The following SMC1B variants were observed in gnomAD, a reference collection of about 807,000 sequenced individuals.
The protein encoded by SMC1B is structural maintenance of chromosomes 1B.
SMC1B carries 60 observed loss-of-function variants against 157.9 expected under a neutral mutation model. The ratio of observed to expected loss-of-function variants is 0.38; its 90% CI spans 0.31 to 0.47. SMC1B has a LOEUF of 0.47. Among genes scored for constraint, SMC1B ranks in the 20% least tolerant of loss-of-function variants. The pLI, the probability that SMC1B is intolerant of heterozygous loss-of-function variation, is 0.99. For missense variants in SMC1B, 1,165 were observed against 1,426.2 expected (o/e 0.82, Z 2.95); for synonymous variants, 445 against 483.0 (o/e 0.92, Z 1.03).
chr22:45,410,794 T>C (rs182514385), intron 1 of SMC1B, among the ~76,000 whole-genome samples: 85 of 152,316 alleles, frequency 5.6e-4, no homozygotes, highest in Non-Finnish European at 5.9e-4. Context: ...ACCGGAAATA[T>C]GGCTTAGTTT....
intron 17 of SMC1B, among the ~76,000 whole-genome samples, chr22:45,361,553 G>A (rs950381352): frequency 1.3e-5 from 2 of 152,130 alleles, no homozygotes; most frequent in African/African-American, 2.4e-5. Context: ...ATTTGAACCC[G>A]GGAAGCAAAG....
intron 5 of SMC1B, among the ~76,000 whole-genome samples, chr22:45,401,170 A>G (rs146338954): frequency 4.6e-5 from 7 of 152,350 alleles, no homozygotes; most frequent in African/African-American, 1.7e-4. Flanking sequence ...GTAAGATATT[A>G]ATAATAGGAG....
intron 12 of SMC1B, among the ~76,000 whole-genome samples, chr22:45,376,976 G>A (rs2086889542): frequency 6.6e-6 from 1 of 152,110 alleles, no homozygotes; most frequent in South Asian, 2.1e-4. Flanking sequence ...AGTTGTTTTT[G>A]TTTTTCACAA....
intron 5 of SMC1B, among the ~76,000 whole-genome samples, chr22:45,401,224 TAA>T (rs1278071523): frequency 6.6e-6 from 1 of 152,216 alleles, no homozygotes. Flanking sequence ...GGGCTAAAAA[TAA>T]ATTATTTAGG....
intron 16 of SMC1B, among the ~76,000 whole-genome samples, chr22:45,362,384 C>T (rs904142350): frequency 1.3e-5 from 2 of 152,152 alleles, no homozygotes; most frequent in Non-Finnish European, 2.9e-5. Context: ...TCTTTTGACT[C>T]TCCTCATAAG....
chr22:45,373,891 A>G lies in SMC1B; in HGVS notation c.2059-1599T>C, dbSNP rs534693243. 3.3e-5 allele frequency among the ~76,000 whole-genome samples: 5 copies of G among 152,194 alleles called. No homozygotes were observed. In the South Asian group the frequency reaches 1.0e-3, roughly 31 times the overall value. ...ATAATTTGGAATCTAAAGTTACATT[A>G]AATAATAGATATTTCATTATTTGGG... On this transcript the variant is annotated intron_variant, in intron 12 of 24. Transcript: ENST00000357450.
chr22:45,389,005 G>A (rs369335340), intron 10 of SMC1B, among the ~76,000 whole-genome samples: 261 of 95,124 alleles, frequency 2.7e-3, no homozygotes, highest in Middle Eastern at 0.016. Flanking sequence ...AAAAAAAAAA[G>A]AAAAAGAAAA....
chr22:45,357,214 G>C (rs1485195937), intron 19 of SMC1B, among the ~76,000 whole-genome samples: 3 of 152,244 alleles, frequency 2.0e-5, no homozygotes, highest in Non-Finnish European at 4.4e-5. Flanking sequence ...GAAGGTTGTA[G>C]CTGTGTGGCT....
chr22:45,354,193 T>A, intron 20 of SMC1B, 61 bp from the exon 21 acceptor site: 1 of 1,288,916 alleles, frequency 7.8e-7, no homozygotes, highest in Non-Finnish European at 1.0e-6. Flanking sequence ...TTACTTAAAC[T>A]GTAAAGCATA....
intron 20 of SMC1B, 63 bp from the exon 21 acceptor site, chr22:45,354,195 T>C: frequency 7.8e-7 from 1 of 1,274,518 alleles, no homozygotes; most frequent in Non-Finnish European, 1.0e-6. Context: ...ACTTAAACTG[T>C]AAAGCATAAA....
chr22:45,413,326 G>A, intron 1 of SMC1B, 133 bp downstream of exon 1: 1 of 664,508 alleles, frequency 1.5e-6, no homozygotes, highest in Non-Finnish European at 2.5e-6. Context: ...TCCGGTCGCG[G>A]TCAGGCTCCG....
intron 17 of SMC1B, among the ~76,000 whole-genome samples, chr22:45,361,461 C>T (rs968053111): frequency 6.6e-6 from 1 of 151,054 alleles, no homozygotes; most frequent in Non-Finnish European, 1.5e-5. Flanking sequence ...AAAAGAGAAA[C>T]ACACACACAC....
intron 15 of SMC1B, among the ~76,000 whole-genome samples, chr22:45,363,957 TCCTGCCTCAG>T (rs2086747740): frequency 6.6e-6 from 1 of 151,992 alleles, no homozygotes; most frequent in Admixed American, 6.6e-5. Context: ...CAAACAATTC[TCCTGCCTCAG>T]CCTTCCTAGT....
intron 21 of SMC1B, among the ~76,000 whole-genome samples, chr22:45,353,738 G>A (rs1298972122): frequency 6.6e-6 from 1 of 151,746 alleles, no homozygotes; most frequent in Non-Finnish European, 1.5e-5. Flanking sequence ...TTTTTCAGAT[G>A]AAGAAACAGA....
Position 45,362,003 on chromosome 22 carries a change from CA to C in SMC1B, c.2563-20del. 1 of 1,600,964 alleles carries C rather than the reference CA, an allele frequency of 6.2e-7. No individual in the cohort carries two copies. The highest frequency in any genetic ancestry group is 8.5e-7 in the Non-Finnish European group (1 of 1,175,858). On this transcript the variant is annotated intron_variant, in intron 16 of 24. Transcript: ENST00000357450. ...CTTCAGCCTGAACAGAGAGGATCTG[CA>C]TTGTAGATTTACTATCTTTTATATT...
intron 6 of SMC1B, 112 bp downstream of exon 6, chr22:45,398,983 A>G: frequency 9.4e-7 from 1 of 1,068,240 alleles, no homozygotes; most frequent in Non-Finnish European, 1.4e-6. Flanking sequence ...CACAATTTAC[A>G]TTGAGGATAA....
chr22:45,348,737 G>GT (rs1359266657), intron 23 of SMC1B, among the ~76,000 whole-genome samples: 1 of 131,460 alleles, frequency 7.6e-6, no homozygotes, highest in African/African-American at 2.9e-5. Context: ...GTTTTGTTTT[G>GT]TTTTTTCCTG....
chr22:45,409,006 T>C (rs117892067), intron 1 of SMC1B, 108 bp from the exon 2 acceptor site: 9,239 of 625,088 alleles, frequency 0.015, 87 homozygotes, highest in Middle Eastern at 0.026. Context: ...CCAAAAGACA[T>C]GTCCTTTTTA....
intron 1 of SMC1B, among the ~76,000 whole-genome samples, chr22:45,409,724 G>A (rs1487269282): frequency 2.0e-5 from 3 of 152,248 alleles, no homozygotes; most frequent in Non-Finnish European, 4.4e-5. Context: ...GTTATCTTTT[G>A]AAAGTCCTAC....
Sources: gnomAD v4.1 joint callset for allele counts (sites outside exome capture counted in the v4.1 genomes callset) on GRCh38, gnomAD v4.1.1 for gene constraint, MANE v1.5 for transcripts, NCBI Gene and HGNC (gene_info 2026-07-23, HGNC 2026-07-21) for gene names.